Variants in CDK5RAP2 observed in about 807,000 individuals in gnomAD.
The protein encoded by CDK5RAP2 is CDK5 regulatory subunit associated protein 2, also known as CDK5 regulatory subunit-associated protein 2.
CDK5RAP2 carries 147 observed loss-of-function variants against 232.9 expected under a neutral mutation model. That is an observed-to-expected ratio of 0.63 (90% CI 0.55 to 0.72). The LOEUF (loss-of-function observed/expected upper bound fraction) is 0.72, where lower values mean the gene tolerates loss of function less well. Ranked by LOEUF, CDK5RAP2 falls within the 30% of genes least tolerant of loss-of-function variation. The probability of loss-of-function intolerance (pLI) is 0.00; values close to 1 mark genes in which losing one functional copy is unlikely to be tolerated. For synonymous variants in CDK5RAP2, 833 were observed against 833.7 expected (o/e 1.00, Z 0.01); for missense variants, 2,195 against 2,231.5 (o/e 0.98, Z 0.33).
intron 20 of CDK5RAP2, among the ~76,000 whole-genome samples, chr9:120,456,908 G>A (rs1393344553): frequency 6.6e-6 from 1 of 152,180 alleles, no homozygotes; most frequent in African/African-American, 2.4e-5. Context: ...CTAGAAATCT[G>A]AACAGCAGAT....
intron 31 of CDK5RAP2, chr9:120,407,748 T>C (rs1490472569): frequency 2.5e-5 from 4 of 162,062 alleles, no homozygotes; most frequent in Non-Finnish European, 5.3e-5. Flanking sequence ...CACCTCAAAA[T>C]TGATTCTGAA....
chr9:120,536,736 A>G, intron 6 of CDK5RAP2: 1 of 639,968 alleles, frequency 1.6e-6, no homozygotes, highest in Non-Finnish European at 2.8e-6. Flanking sequence ...GGCATTTCCA[A>G]TGGAAAAGAC....
At chr9:120,484,473 G>A (rs1229456627) in intron 14 of CDK5RAP2, among the ~76,000 whole-genome samples, 5 of 152,108 alleles carry the variant, frequency 3.3e-5, no homozygotes, top group African/African-American at 9.7e-5. Flanking sequence ...TGTAATCCCA[G>A]CAATTTGGGA....
intron 30 of CDK5RAP2, 77 bp from the exon 31 acceptor site, chr9:120,408,545 G>A: frequency 2.6e-6 from 4 of 1,514,650 alleles, no homozygotes; most frequent in Non-Finnish European, 1.8e-6. Context: ...CACAGAGCAG[G>A]CCAATTCCAC....
intron 13 of CDK5RAP2, among the ~76,000 whole-genome samples, chr9:120,489,785 G>C (rs2131627731): frequency 6.8e-6 from 1 of 148,022 alleles, no homozygotes; most frequent in East Asian, 2.0e-4. Context: ...CCTCTGTTCT[G>C]TTTGGCCTTT....
At chr9:120,446,566 T>C (rs2036204608) in intron 22 of CDK5RAP2, among the ~76,000 whole-genome samples, 1 of 152,186 alleles carries the variant, frequency 6.6e-6, no homozygotes, top group Non-Finnish European at 1.5e-5. Context: ...ATCACGACTC[T>C]GCTGCTCAAA....
chr9:120,407,747 A>G (rs2033571610), intron 31 of CDK5RAP2: 1 of 165,822 alleles, frequency 6.0e-6, no homozygotes, highest in African/African-American at 2.4e-5. Flanking sequence ...ACACCTCAAA[A>G]TTGATTCTGA....
chr9:120,487,461 AG>A (rs2038673569), intron 13 of CDK5RAP2, 24 bp from the exon 14 acceptor site: 1 of 1,559,854 alleles, frequency 6.4e-7, no homozygotes, highest in Admixed American at 1.9e-5. Flanking sequence ...ACAAATTCTA[AG>A]GAAATTGTCA....
At chr9:120,459,874 T>G (rs1431169009) in intron 19 of CDK5RAP2, among the ~76,000 whole-genome samples, 1 of 152,214 alleles carries the variant, frequency 6.6e-6, no homozygotes, top group Non-Finnish European at 1.5e-5. Flanking sequence ...ATGCCAAATC[T>G]GTAGCATCTT....
chr9:120,464,260 T>G (rs2037251352), intron 18 of CDK5RAP2, among the ~76,000 whole-genome samples: 1 of 152,092 alleles, frequency 6.6e-6, no homozygotes, highest in Non-Finnish European at 1.5e-5. Flanking sequence ...CAGGGAGAAC[T>G]TCCCTTAATC....
Position 120,403,517 on chromosome 9 carries a change from GA to G in CDK5RAP2, c.5042-447del. 1 of 282,320 alleles carries G rather than the reference GA, an allele frequency of 3.5e-6. No individual in the cohort carries two copies. The highest frequency in any genetic ancestry group is 6.8e-6 in the Non-Finnish European group (1 of 146,442). The allele number at this position is 282,320 out of a possible 1,614,324, so 17.5% of individuals were successfully genotyped here. ...GAAGGAGCAGCATTTGAACTGGATTGAGCAAGTAGCAAGAATTACACGAATG... is the reference window on the plus strand; with the variant it reads ...GAAGGAGCAGCATTTGAACTGGATTGGCAAGTAGCAAGAATTACACGAATG... On this transcript the variant is annotated intron_variant, in intron 33 of 37. Transcript: ENST00000349780. The surrounding 1 kb of genome is among the most constrained non-coding windows in gnomAD (Gnocchi z 4.2).
chr9:120,555,135 TG>T (rs1208039100), intron 3 of CDK5RAP2, among the ~76,000 whole-genome samples: 76 of 56,260 alleles, frequency 1.4e-3, no homozygotes, highest in African/African-American at 4.2e-3. Context: ...TAAATTTTTT[TG>T]GGGGGGGGTG....
intron 7 of CDK5RAP2, among the ~76,000 whole-genome samples, chr9:120,533,422 C>G (rs1431565253): frequency 2.0e-5 from 3 of 152,182 alleles, no homozygotes. Flanking sequence ...TTCCCTCTCC[C>G]TCCACCCAAA....
chr9:120,546,802 C>T (rs961985584), intron 4 of CDK5RAP2, among the ~76,000 whole-genome samples: 3 of 151,804 alleles, frequency 2.0e-5, no homozygotes, highest in Non-Finnish European at 2.9e-5. Flanking sequence ...CCCGTCTTTT[C>T]GTTTGTTTGT....
chr9:120,532,149 C>T (rs1480664570), intron 7 of CDK5RAP2, among the ~76,000 whole-genome samples: 1 of 152,058 alleles, frequency 6.6e-6, no homozygotes, highest in Admixed American at 6.5e-5. Context: ...CAAGATGATA[C>T]CCAGGGCTGC....
At chr9:120,464,190 T>C (rs2037247914) in intron 18 of CDK5RAP2, among the ~76,000 whole-genome samples, 2 of 152,112 alleles carry the variant, frequency 1.3e-5, no homozygotes. Context: ...CTCTACTGCC[T>C]CTCCCCCTGC....
chr9:120,391,846 C>T (rs1005567569), intron 36 of CDK5RAP2, among the ~76,000 whole-genome samples: 3 of 152,108 alleles, frequency 2.0e-5, no homozygotes, highest in Non-Finnish European at 4.4e-5. Context: ...CTGTGAAGTC[C>T]GCAGGGCTTG....
At chr9:120,462,871 T>C (rs112723520) in intron 18 of CDK5RAP2, among the ~76,000 whole-genome samples, 1 of 152,200 alleles carries the variant, frequency 6.6e-6, no homozygotes, top group African/African-American at 2.4e-5. Flanking sequence ...TAAGCATTTA[T>C]TGAAGATATG....
chr9:120,447,655 G>A (rs2036264604), intron 22 of CDK5RAP2, among the ~76,000 whole-genome samples: 1 of 152,186 alleles, frequency 6.6e-6, no homozygotes, highest in South Asian at 2.1e-4. Context: ...TGCCCCCTCA[G>A]ACCTATGAGC....
Sources: gnomAD v4.1 joint callset for allele counts (sites outside exome capture counted in the v4.1 genomes callset) on GRCh38, gnomAD v4.1.1 for gene constraint, Gnocchi (gnomAD v3.1) non-coding constraint, MANE v1.5 for transcripts, NCBI Gene and HGNC (gene_info 2026-07-23, HGNC 2026-07-21) for gene names.